The following CC2D1A variants were observed in gnomAD, a reference collection of about 807,000 sequenced individuals.
The protein encoded by CC2D1A is coiled-coil and C2 domain containing 1A.
Under a neutral mutation model 123.8 loss-of-function variants are expected in CC2D1A, and 68 were observed. That is an observed-to-expected ratio of 0.55 (90% CI 0.45 to 0.67). The LOEUF is 0.67. Ranked by LOEUF, CC2D1A falls within the 30% of genes least tolerant of loss-of-function variation. CC2D1A has a pLI of 0.00. For missense variants in CC2D1A, 1,185 were observed against 1,290.3 expected (o/e 0.92, Z 1.25); for synonymous variants, 477 against 528.0 (o/e 0.90, Z 1.32).
In CC2D1A at chr19:13,906,209, G is replaced by A. The variant is rs1970718598; in HGVS notation, c.-233G>A. ...ACTACCTGCCGGGAGTTGTAGTTTC[G>A]GCTCGGCAGACCCGGCGAGCCCAGT... On this transcript the variant is annotated 5_prime_UTR_variant, in exon 1 of 29. Transcript: ENST00000318003. The surrounding 1 kb of genome is among the most constrained non-coding windows in gnomAD (Gnocchi z 4.1). 6 of 422,926 alleles carry A rather than the reference G, an allele frequency of 1.4e-5. No homozygotes were observed. In the South Asian group the frequency reaches 3.0e-4, roughly 21 times the overall value. 26.2% of individuals were successfully genotyped at this position (422,926 alleles called of 1,614,324 possible). A position where few individuals can be genotyped will look rare whatever the true frequency, so the allele number is the denominator to read the frequency against.
At chr19:13,919,378 C>A (rs1976269991) in intron 11 of CC2D1A, among the ~76,000 whole-genome samples, 176 bp downstream of exon 11, 1 of 152,192 alleles carries the variant, frequency 6.6e-6, no homozygotes, top group South Asian at 2.1e-4. Flanking sequence ...ACAACATATT[C>A]AAGGGTTTTG....
rs1485353122 is a variant in CC2D1A at position 13,928,944 on chromosome 19, G to A, written c.2520-435G>A. Among the ~76,000 whole-genome samples, 4 of 146,270 alleles carry A rather than the reference G, an allele frequency of 2.7e-5. No homozygotes were observed. In the East Asian group the frequency reaches 8.2e-4, roughly 30 times the overall value. ...GGCTGGTCTCGAACTCCCGACCTCA[G>A]GTGATCTGCCTGCCTCGGCCTCCCA... On this transcript the variant is annotated intron_variant, in intron 24 of 28. Coordinates refer to ENST00000318003, the MANE Select transcript of CC2D1A (RefSeq NM_017721.5).
Position 13,930,054 on chromosome 19 carries a change from C to T in CC2D1A, c.2711-24C>T. On this transcript the variant is annotated intron_variant, in intron 26 of 28. Transcript: ENST00000318003. The surrounding 1 kb of genome is among the most constrained non-coding windows in gnomAD (Gnocchi z 6.8). The stretch of plus-strand genomic sequence containing the variant: ...GCAGTGAGGCCCCACCCTAAGCCTC[C>T]ATTCCCCCGCCATCCATTCTCAGAA... The T allele has an allele frequency of 6.2e-7, 1 of 1,609,600 alleles. No individual in the cohort carries two copies. The highest frequency in any genetic ancestry group is 8.5e-7 in the Non-Finnish European group (1 of 1,178,236).
rs1393459899 is a variant in CC2D1A at position 13,923,318 on chromosome 19, C to G, written c.1642-15C>G. 3 of 1,597,770 alleles carry G rather than the reference C, an allele frequency of 1.9e-6. No homozygotes were observed. The highest frequency in any genetic ancestry group is 2.5e-6 in the Non-Finnish European group (3 of 1,176,792). ...TTGTCCTCCTTACCCCCGCCACCAG[C>G]CTCGTCCTCCCCAGGTGCCGCCTGC... On this transcript the variant is annotated splice_polypyrimidine_tract_variant and intron_variant, in intron 14 of 28. Coordinates refer to ENST00000318003, the MANE Select transcript of CC2D1A (RefSeq NM_017721.5). This position sits in a 1 kb window ranked among gnomAD's most constrained non-coding sequence, Gnocchi z 5.3.
At chr19:13,919,083 C>T in intron 10 of CC2D1A, 41 bp downstream of exon 10, 1 of 1,602,628 alleles carries the variant, frequency 6.2e-7, no homozygotes, top group African/African-American at 1.3e-5. Context: ...GAGTGGGCAG[C>T]CCGGGAGCCC....
In CC2D1A at chr19:13,909,967, G is replaced by C; in HGVS notation, c.196+9G>C. 1 of 1,508,658 alleles carries C rather than the reference G, an allele frequency of 6.6e-7. No homozygotes were observed. Among genetic ancestry groups the C allele is most frequent in the Non-Finnish European group, 8.9e-7 (1 of 1,127,468 alleles). The allele number at this position is 1,508,658 out of a possible 1,614,324, so 93.5% of individuals were successfully genotyped here. On this transcript the variant is annotated intron_variant, in intron 2 of 28. Transcript: ENST00000318003. ...GAAGCTCAAAGGCAAAGGTGAGATG[G>C]TTAACACACCCTCAGAACATTTTCT...
chr19:13,929,694 G>A lies in CC2D1A; in HGVS notation c.2710+34G>A, dbSNP rs897900346. The A allele has an allele frequency of 7.5e-6, 11 of 1,458,774 alleles. No homozygotes were observed. In the Admixed American group the frequency reaches 2.4e-4, roughly 32 times the overall value. 90.4% of individuals were successfully genotyped at this position (1,458,774 alleles called of 1,614,324 possible). Reference sequence around the variant, plus strand: ...TTGGAGATGGGCATCTGGTGGGGGAGGAGCTCCAGGATAGGCATGGGGGGG... The same window carrying A: ...TTGGAGATGGGCATCTGGTGGGGGAAGAGCTCCAGGATAGGCATGGGGGGG... On this transcript the variant is annotated intron_variant, in intron 26 of 28. Transcript: ENST00000318003.
chr19:13,906,350 A>T lies in CC2D1A; in HGVS notation c.-92A>T. On this transcript the variant is annotated 5_prime_UTR_variant, in exon 1 of 29. Coordinates refer to ENST00000318003, the MANE Select transcript of CC2D1A (RefSeq NM_017721.5). This position sits in a 1 kb window ranked among gnomAD's most constrained non-coding sequence, Gnocchi z 4.1. ...GGCGCCGACGAGGAGTGCAGGACTC[A>T]GGAAGGGCGAGTGCGCGGCGACAGA... 9.2e-7 allele frequency: 1 copy of T among 1,085,182 alleles called. No homozygotes were observed. The highest frequency in any genetic ancestry group is 1.3e-6 in the Non-Finnish European group (1 of 783,244). 67.2% of individuals were successfully genotyped at this position (1,085,182 alleles called of 1,614,324 possible). A position where few individuals can be genotyped will look rare whatever the true frequency, so the allele number is the denominator to read the frequency against.
At chr19:13,913,736 T>G in intron 6 of CC2D1A, 98 bp downstream of exon 6, 2 of 887,786 alleles carry the variant, frequency 2.3e-6, no homozygotes, top group Non-Finnish European at 3.4e-6. Context: ...GATTGTGAGA[T>G]ATTTTCAACA....
At chr19:13,912,185 C>A in intron 2 of CC2D1A, 138 bp from the exon 3 acceptor site, 1 of 990,912 alleles carries the variant, frequency 1.0e-6, no homozygotes, top group Non-Finnish European at 1.5e-6. Context: ...GTAGCCAGGC[C>A]CCAGACCTGA....
Position 13,918,829 on chromosome 19 carries a change from G to T in CC2D1A, c.1018+12G>T, listed in dbSNP as rs1294945696. 1.9e-6 allele frequency: 3 copies of T among 1,613,056 alleles called. No individual in the cohort carries two copies. Among genetic ancestry groups the T allele is most frequent in the Non-Finnish European group, 2.5e-6 (3 of 1,179,530 alleles). On this transcript the variant is annotated intron_variant, in intron 9 of 28. Transcript: ENST00000318003. ...GCCCTCCACAACAGGTAGGTTCTGGGACCCTCTGGGGTTGGGGGCAGGCTG... is the reference window on the plus strand; with the variant it reads ...GCCCTCCACAACAGGTAGGTTCTGGTACCCTCTGGGGTTGGGGGCAGGCTG...
At position 13,930,808 on chromosome 19, in the gene CC2D1A, C is replaced by A; in HGVS notation, c.*413C>A. 1 of 236,716 alleles carries A rather than the reference C, an allele frequency of 4.2e-6. No homozygotes were observed. Among genetic ancestry groups the A allele is most frequent in the Non-Finnish European group, 8.2e-6 (1 of 122,212 alleles). The allele number at this position is 236,716 out of a possible 1,614,324, so 14.7% of individuals were successfully genotyped here. A position where few individuals can be genotyped will look rare whatever the true frequency, so the allele number is the denominator to read the frequency against. ...GGCTGGCCGAGCCACACTGTCTCCCCAGGGGCGTCGACCTGGCCCAGCTGG... is the reference window on the plus strand; with the variant it reads ...GGCTGGCCGAGCCACACTGTCTCCCAAGGGGCGTCGACCTGGCCCAGCTGG... On this transcript the variant is annotated 3_prime_UTR_variant, in exon 29 of 29. Coordinates refer to ENST00000318003, the MANE Select transcript of CC2D1A (RefSeq NM_017721.5). The surrounding 1 kb of genome is among the most constrained non-coding windows in gnomAD (Gnocchi z 6.8).
At chr19:13,909,575 A>G (rs1024182508) in intron 1 of CC2D1A, 4 of 555,032 alleles carry the variant, frequency 7.2e-6, no homozygotes, top group South Asian at 1.6e-5. Context: ...GCAGCACATC[A>G]TAAGTGTGGA....
intron 14 of CC2D1A, among the ~76,000 whole-genome samples, chr19:13,921,226 C>T (rs1971402199): frequency 6.6e-6 from 1 of 152,192 alleles, no homozygotes; most frequent in South Asian, 2.1e-4. Flanking sequence ...GTCAGAAGGA[C>T]TAGAGAAAGA....
chr19:13,912,043 G>T (rs867641273), intron 2 of CC2D1A, among the ~76,000 whole-genome samples: 4 of 152,070 alleles, frequency 2.6e-5, no homozygotes, highest in South Asian at 2.1e-4. Flanking sequence ...TAGAGACAGG[G>T]TTTCACCATG....
At chr19:13,915,332 G>A (rs1033917020) in intron 6 of CC2D1A, among the ~76,000 whole-genome samples, 1 of 152,062 alleles carries the variant, frequency 6.6e-6, no homozygotes, top group African/African-American at 2.4e-5. Context: ...TGCAACCTCC[G>A]CCTCCCAGGT....
chr19:13,909,559 G>T, intron 1 of CC2D1A: 1 of 499,622 alleles, frequency 2.0e-6, no homozygotes, highest in Non-Finnish European at 3.8e-6. Context: ...CACTGAACTT[G>T]GCCCAGCAGC....
At position 13,930,337 on chromosome 19, in the gene CC2D1A, G is replaced by A. The variant is rs776953435; in HGVS notation, c.2836-38G>A. On this transcript the variant is annotated intron_variant, in intron 28 of 28. Coordinates refer to ENST00000318003, the MANE Select transcript of CC2D1A (RefSeq NM_017721.5). This position sits in a 1 kb window ranked among gnomAD's most constrained non-coding sequence, Gnocchi z 6.8. ...TGGTTGGGGGATCACTGTGGTCGTA[G>A]CCCACCTCCATGACCCCAGTGGCCT... 1 of 1,613,776 alleles carries A rather than the reference G, an allele frequency of 6.2e-7. No homozygotes were observed. The highest frequency in any genetic ancestry group is 1.3e-5 in the African/African-American group (1 of 75,002).
intron 2 of CC2D1A, among the ~76,000 whole-genome samples, chr19:13,910,993 A>G (rs1414956019): frequency 6.6e-6 from 1 of 152,090 alleles, no homozygotes; most frequent in Non-Finnish European, 1.5e-5. Flanking sequence ...TGAATGAACG[A>G]TATCTATTCA....
Sources: gnomAD v4.1 joint callset for allele counts (sites outside exome capture counted in the v4.1 genomes callset) on GRCh38, gnomAD v4.1.1 for gene constraint, Gnocchi (gnomAD v3.1) non-coding constraint, MANE v1.5 for transcripts, NCBI Gene and HGNC (gene_info 2026-07-23, HGNC 2026-07-21) for gene names.